Variants in CTNNA3 observed in about 807,000 individuals in gnomAD.
The protein encoded by CTNNA3 is catenin alpha 3.
Under a neutral mutation model 95.7 loss-of-function variants are expected in CTNNA3, and 76 were observed. The ratio of observed to expected loss-of-function variants is 0.79; its 90% CI spans 0.66 to 0.96. The LOEUF (loss-of-function observed/expected upper bound fraction) is 0.96. CTNNA3 is among the 40% of genes least tolerant of loss of function. CTNNA3 has a pLI of 0.00. For missense variants in CTNNA3, 1,191 were observed against 1,089.8 expected, an observed-to-expected ratio of 1.09 and a Z score of -1.31; for synonymous variants, 431 against 374.4, an observed-to-expected ratio of 1.15 and a Z score of -1.74.
At chr10:66,648,498 A>T (rs984242444) in intron 9 of CTNNA3, among the ~76,000 whole-genome samples, 1 of 152,224 alleles carries the variant, frequency 6.6e-6, no homozygotes, top group Non-Finnish European at 1.5e-5. Flanking sequence ...ATCTCTAAAA[A>T]AGAGTCGAAT....
chr10:66,762,351 G>T lies in CTNNA3; in HGVS notation c.1281+3913C>A, dbSNP rs79559049. On this transcript the variant is annotated intron_variant, in intron 9 of 17. Coordinates refer to ENST00000433211, the MANE Select transcript of CTNNA3 (RefSeq NM_013266.4). ...CGACTTCTTATCCTTCCCCACTGTG[G>T]TTCTGTGGATCCAAGAACACAGAGT... is the stretch of plus-strand genomic sequence containing the variant. 2.5e-3 allele frequency among the ~76,000 whole-genome samples: 375 copies of T among 152,098 alleles called. 12 individuals carry two copies. The East Asian group carries it at 0.054, about 22-fold the overall frequency.
intron 9 of CTNNA3, among the ~76,000 whole-genome samples, chr10:66,709,821 AAAC>A (rs1848234207): frequency 6.6e-6 from 1 of 152,132 alleles, no homozygotes; most frequent in African/African-American, 2.4e-5. Flanking sequence ...CAATACCAAC[AAAC>A]ATGGCTGATT....
chr10:66,635,990 C>CTGTGTGTGTGTGTGTGTGTGTGTGTG (rs10527642), intron 9 of CTNNA3, among the ~76,000 whole-genome samples: 1 of 145,854 alleles, frequency 6.9e-6, no homozygotes, highest in Non-Finnish European at 1.5e-5. Context: ...TGGAAGAACA[C>CTGTGTGTGTGTGTGTGTGTGTGTGTG]TGTGTGTGTG....
intron 12 of CTNNA3, among the ~76,000 whole-genome samples, chr10:66,312,782 T>A (rs2132264671): frequency 6.6e-6 from 1 of 152,246 alleles, no homozygotes; most frequent in African/African-American, 2.4e-5. Flanking sequence ...CCTGACCTCG[T>A]GATACACCCA....
At chr10:67,520,420 A>G (rs2133155161) in intron 5 of CTNNA3, among the ~76,000 whole-genome samples, 1 of 152,292 alleles carries the variant, frequency 6.6e-6, no homozygotes, top group Admixed American at 6.5e-5. Flanking sequence ...TACAGTGACT[A>G]CTGCCTGCCA....
intron 11 of CTNNA3, among the ~76,000 whole-genome samples, chr10:66,421,929 A>C (rs1160411023): frequency 2.0e-5 from 2 of 99,052 alleles, no homozygotes; most frequent in Non-Finnish European, 4.2e-5. Context: ...CACACACACA[A>C]GAAAAAAAGA....
At chr10:66,361,232 G>A (rs1483837978) in intron 12 of CTNNA3, among the ~76,000 whole-genome samples, 1 of 150,830 alleles carries the variant, frequency 6.6e-6, no homozygotes, top group Non-Finnish European at 1.5e-5. Context: ...GCCCCCTAAA[G>A]TATTGGGATT....
chr10:67,324,560 A>T (rs1251941972), intron 5 of CTNNA3, among the ~76,000 whole-genome samples: 1 of 152,164 alleles, frequency 6.6e-6, no homozygotes, highest in Non-Finnish European at 1.5e-5. Context: ...CATACATTGA[A>T]CCAACCTTGC....
At position 67,114,501 on chromosome 10, in the gene CTNNA3, C is replaced by A. The variant is rs543216256; in HGVS notation, c.1047+65816G>T. Among the ~76,000 whole-genome samples the A allele has an allele frequency of 2.6e-5, 4 of 152,064 alleles. No individual in the cohort carries two copies. The East Asian group carries it at 7.7e-4, about 29-fold the overall frequency. On this transcript the variant is annotated intron_variant, in intron 7 of 17. Coordinates refer to ENST00000433211, the MANE Select transcript of CTNNA3 (RefSeq NM_013266.4). ...ACACAAAATGTATTTATTCTGGAGT[C>A]TCTGTAGATTTTTTTTATTGTTTTT...
intron 6 of CTNNA3, 122 bp downstream of exon 6, chr10:67,219,485 G>A (rs900455921): frequency 5.5e-6 from 6 of 1,089,964 alleles, no homozygotes; most frequent in African/African-American, 1.6e-5. Flanking sequence ...AGGTGATAGA[G>A]ACTAATCTGG....
At chr10:66,904,461 A>C (rs1022751890) in intron 7 of CTNNA3, among the ~76,000 whole-genome samples, 1 of 152,272 alleles carries the variant, frequency 6.6e-6, no homozygotes, top group Non-Finnish European at 1.5e-5. Context: ...GCATGGGCAA[A>C]GACTTCATGA....
chr10:67,189,256 G>A (rs1863009084), intron 6 of CTNNA3, among the ~76,000 whole-genome samples: 1 of 152,054 alleles, frequency 6.6e-6, no homozygotes, highest in Non-Finnish European at 1.5e-5. Context: ...GATCTCACTT[G>A]TATGTAAAAT....
intron 16 of CTNNA3, among the ~76,000 whole-genome samples, chr10:65,982,671 A>G (rs775072833): frequency 6.7e-6 from 1 of 150,254 alleles, no homozygotes; most frequent in Non-Finnish European, 1.5e-5. Context: ...TGTGGTATAT[A>G]TGTGTGTGTG....
intron 7 of CTNNA3, among the ~76,000 whole-genome samples, chr10:67,073,628 G>T (rs985339491): frequency 6.6e-6 from 1 of 151,554 alleles, no homozygotes; most frequent in Non-Finnish European, 1.5e-5. Context: ...GGAAAAAAAC[G>T]AGAGAATCAC....
intron 7 of CTNNA3, among the ~76,000 whole-genome samples, chr10:67,082,513 C>T (rs1857103349): frequency 6.6e-6 from 1 of 152,140 alleles, no homozygotes; most frequent in Non-Finnish European, 1.5e-5. Context: ...TCTAGAAATG[C>T]ATTTACTATA....
intron 10 of CTNNA3, among the ~76,000 whole-genome samples, chr10:66,555,582 G>A (rs925601787): frequency 2.0e-5 from 3 of 152,030 alleles, no homozygotes; most frequent in Non-Finnish European, 4.4e-5. Flanking sequence ...TTTTAACCTA[G>A]ATCTTAGCCC....
chr10:66,320,011 G>A (rs2092159335), intron 12 of CTNNA3, among the ~76,000 whole-genome samples: 2 of 152,090 alleles, frequency 1.3e-5, no homozygotes, highest in Admixed American at 6.5e-5. Context: ...TGCAGCTCCA[G>A]TAATAAAGCT....
intron 5 of CTNNA3, among the ~76,000 whole-genome samples, chr10:67,365,120 G>A (rs1843156615): frequency 6.6e-6 from 1 of 152,066 alleles, no homozygotes; most frequent in Non-Finnish European, 1.5e-5. Flanking sequence ...AACAAGAAAT[G>A]GGGAAAGGAT....
intron 12 of CTNNA3, among the ~76,000 whole-genome samples, chr10:66,331,347 T>C (rs933137640): frequency 2.0e-4 from 15 of 76,578 alleles, no homozygotes; most frequent in African/African-American, 7.1e-4. Context: ...TGTTTGTTTT[T>C]TTTTTTTTTT....
Sources: gnomAD v4.1 joint callset for allele counts (sites outside exome capture counted in the v4.1 genomes callset) on GRCh38, gnomAD v4.1.1 for gene constraint, MANE v1.5 for transcripts, NCBI Gene and HGNC (gene_info 2026-07-23, HGNC 2026-07-21) for gene names.